CSMD1: variants seen among roughly 807,000 people sequenced by gnomAD.
CSMD1 encodes CUB and Sushi multiple domains 1.
Under a neutral mutation model 417.5 loss-of-function variants are expected in CSMD1, and 213 were observed. That is an observed-to-expected ratio of 0.51 (90% CI 0.46 to 0.57). The LOEUF is 0.57. Ranked by LOEUF, CSMD1 falls within the 20% of genes least tolerant of loss-of-function variation. The pLI, the probability that CSMD1 is intolerant of heterozygous loss-of-function variation, is 0.00. For synonymous variants in CSMD1, 2,862 were observed against 1,736.8 expected (o/e 1.65, Z -16.11); for missense variants, 6,923 against 4,529.7 (o/e 1.53, Z -15.17).
chr8:3,218,807 G>T (rs927352738), intron 29 of CSMD1, among the ~76,000 whole-genome samples: 1 of 152,052 alleles, frequency 6.6e-6, no homozygotes, highest in Non-Finnish European at 1.5e-5. Flanking sequence ...GGGAGGCGGA[G>T]GTTGCAGCGA....
chr8:3,336,637 C>G (rs1189604468), intron 23 of CSMD1, among the ~76,000 whole-genome samples: 1 of 152,168 alleles, frequency 6.6e-6, no homozygotes, highest in Non-Finnish European at 1.5e-5. Context: ...ACACTGAGAG[C>G]ATGTACTTCA....
intron 3 of CSMD1, among the ~76,000 whole-genome samples, chr8:4,243,296 G>C (rs1008758591): frequency 6.6e-6 from 1 of 152,036 alleles, no homozygotes; most frequent in Admixed American, 6.5e-5. Context: ...TGAATTTCAT[G>C]GTAAAGGCTC....
At position 4,577,591 on chromosome 8, in the gene CSMD1, A is replaced by T. The variant is rs940236951; in HGVS notation, c.302+59751T>A. On this transcript the variant is annotated intron_variant, in intron 2 of 69. Coordinates refer to ENST00000635120, the MANE Select transcript of CSMD1 (RefSeq NM_033225.6). ...TGAAATTGCTTTTCCCTCAGGCAGG[A>T]TCCAGTATCTCTTCTTCACCAGGTA... is the stretch of plus-strand genomic sequence containing the variant. Among the ~76,000 whole-genome samples, 3 of 152,132 alleles carry T rather than the reference A, an allele frequency of 2.0e-5. No homozygotes were observed. In the East Asian group the frequency reaches 5.8e-4, roughly 29 times the overall value.
intron 62 of CSMD1, among the ~76,000 whole-genome samples, chr8:2,960,677 T>A (rs1278099202): frequency 6.6e-6 from 1 of 151,992 alleles, no homozygotes; most frequent in East Asian, 1.9e-4. Context: ...CACAAGTAAG[T>A]TTAGACTAAG....
intron 23 of CSMD1, among the ~76,000 whole-genome samples, chr8:3,328,688 G>A (rs372443283): frequency 5.3e-5 from 8 of 152,198 alleles, no homozygotes; most frequent in South Asian, 4.1e-4. Flanking sequence ...CACAAAATAC[G>A]TTGGCAGAGG....
chr8:4,486,449 T>A (rs568693022), intron 2 of CSMD1, among the ~76,000 whole-genome samples: 1 of 151,592 alleles, frequency 6.6e-6, no homozygotes, highest in Non-Finnish European at 1.5e-5. Flanking sequence ...TGAACTACTA[T>A]ATATTTTAAA....
chr8:4,209,099 C>T (rs1800152251), intron 3 of CSMD1, among the ~76,000 whole-genome samples: 1 of 152,274 alleles, frequency 6.6e-6, no homozygotes, highest in Non-Finnish European at 1.5e-5. Context: ...CCCTTGCTCG[C>T]TGATGATTTA....
At chr8:4,587,901 G>C (rs1329365183) in intron 2 of CSMD1, among the ~76,000 whole-genome samples, 2 of 152,174 alleles carry the variant, frequency 1.3e-5, no homozygotes, top group South Asian at 4.1e-4. Flanking sequence ...AAAAACTGAA[G>C]TGTGAATACT....
At chr8:3,394,572 C>T (rs1258486919) in intron 17 of CSMD1, among the ~76,000 whole-genome samples, 3 of 151,914 alleles carry the variant, frequency 2.0e-5, no homozygotes, top group Non-Finnish European at 4.4e-5. Flanking sequence ...AATAATTATT[C>T]TCTGAAGTTT....
chr8:3,038,131 T>C (rs1481538953), intron 50 of CSMD1, among the ~76,000 whole-genome samples: 4 of 151,232 alleles, frequency 2.6e-5, no homozygotes, highest in Non-Finnish European at 5.9e-5. Flanking sequence ...GTTAAATAAA[T>C]AGTGTTCCAA....
At chr8:3,201,873 G>T in intron 31 of CSMD1, 148 bp from the exon 32 acceptor site, 5 of 462,878 alleles carry the variant, frequency 1.1e-5, no homozygotes, top group South Asian at 5.5e-5. Flanking sequence ...TATTTTCTCT[G>T]CTTTCTAAGT....
At chr8:3,263,525 G>T (rs908904654) in intron 26 of CSMD1, among the ~76,000 whole-genome samples, 1 of 152,088 alleles carries the variant, frequency 6.6e-6, no homozygotes, top group African/African-American at 2.4e-5. Context: ...AATATTACTG[G>T]TCTATAGTAA....
chr8:4,004,971 C>G (rs1815992348), intron 4 of CSMD1, among the ~76,000 whole-genome samples: 1 of 152,154 alleles, frequency 6.6e-6, no homozygotes, highest in Non-Finnish European at 1.5e-5. Context: ...GTCTCAATCT[C>G]CTGACCTCGT....
chr8:4,159,927 C>A (rs539503546), intron 3 of CSMD1, among the ~76,000 whole-genome samples: 4 of 151,448 alleles, frequency 2.6e-5, no homozygotes, highest in African/African-American at 9.7e-5. Context: ...AAAAAACTTT[C>A]GGGCCTTGAG....
chr8:3,231,341 T>C (rs1182456154), intron 26 of CSMD1, among the ~76,000 whole-genome samples: 2 of 152,190 alleles, frequency 1.3e-5, no homozygotes, highest in African/African-American at 2.4e-5. Context: ...AGTACTTCAC[T>C]GTTTTCAACA....
intron 2 of CSMD1, among the ~76,000 whole-genome samples, chr8:4,535,510 T>G (rs1438928611): frequency 6.6e-6 from 1 of 152,188 alleles, no homozygotes; most frequent in East Asian, 1.9e-4. Flanking sequence ...GCCATTATCA[T>G]TCTTTCGATG....
chr8:4,572,960 G>T (rs1798958567), intron 2 of CSMD1, among the ~76,000 whole-genome samples: 1 of 152,114 alleles, frequency 6.6e-6, no homozygotes, highest in African/African-American at 2.4e-5. Flanking sequence ...GTGTTTTTCA[G>T]CTCCATCAGG....
intron 10 of CSMD1, among the ~76,000 whole-genome samples, chr8:3,516,107 T>G (rs1797271739): frequency 6.6e-6 from 1 of 152,174 alleles, no homozygotes; most frequent in Non-Finnish European, 1.5e-5. Context: ...TTGAGTGTGG[T>G]CTCACAGAAA....
intron 3 of CSMD1, among the ~76,000 whole-genome samples, chr8:4,198,161 C>T (rs774279443): frequency 6.6e-5 from 10 of 152,130 alleles, no homozygotes; most frequent in Non-Finnish European, 1.0e-4. Context: ...TCAGCAGTCC[C>T]GAAGCATGAT....
Sources: allele counts gnomAD v4.1 joint callset (sites outside exome capture counted in the v4.1 genomes callset), GRCh38; gene constraint gnomAD v4.1.1; transcripts MANE v1.5; gene names NCBI Gene and HGNC (gene_info 2026-07-23, HGNC 2026-07-21).